Variants in MIER2 observed in about 807,000 individuals in gnomAD.
MIER2 encodes the protein mesoderm induction early response protein 2.
MIER2 carries 30 observed loss-of-function variants against 67.6 expected under a neutral mutation model. That is an observed-to-expected ratio of 0.44 (90% CI 0.33 to 0.60). MIER2 has a LOEUF of 0.60. Ranked by LOEUF, MIER2 falls within the 20% of genes least tolerant of loss-of-function variation. The probability of loss-of-function intolerance (pLI) is 0.02; values close to 1 mark genes in which losing one functional copy is unlikely to be tolerated. For missense variants in MIER2, 702 were observed against 745.1 expected (o/e 0.94, Z 0.67); for synonymous variants, 372 against 312.6 (o/e 1.19, Z -2.00).
chr19:320,932 A>G (rs1216035089), intron 7 of MIER2, among the ~76,000 whole-genome samples: 3 of 152,196 alleles, frequency 2.0e-5, no homozygotes, highest in African/African-American at 7.2e-5. Flanking sequence ...TCTTCCACCT[A>G]AGAACACCAG....
At chr19:335,109 C>G (rs965600655) in intron 2 of MIER2, among the ~76,000 whole-genome samples, 1 of 152,242 alleles carries the variant, frequency 6.6e-6, no homozygotes, top group African/African-American at 2.4e-5. Context: ...CCAGGGTTTC[C>G]CCGAAAGAAC....
At chr19:326,201 C>T (rs1049382829) in intron 6 of MIER2, among the ~76,000 whole-genome samples, 20 of 135,194 alleles carry the variant, frequency 1.5e-4, no homozygotes, top group African/African-American at 5.7e-4. Context: ...AGGTTGGAGA[C>T]ACAGCAGAGC....
intron 1 of MIER2, among the ~76,000 whole-genome samples, chr19:336,409 G>A (rs550552399): frequency 6.6e-6 from 1 of 152,368 alleles, no homozygotes; most frequent in South Asian, 2.1e-4. Flanking sequence ...CTCGCCCAGG[G>A]CAGGACATGC....
chr19:340,470 A>G (rs1972455093), intron 1 of MIER2: 1 of 152,310 alleles, frequency 6.6e-6, no homozygotes, highest in Admixed American at 6.5e-5. Flanking sequence ...TAAACTACAG[A>G]AAAAGTTATT....
intron 7 of MIER2, among the ~76,000 whole-genome samples, chr19:320,786 C>A (rs907459471): frequency 6.6e-6 from 1 of 152,176 alleles, no homozygotes; most frequent in African/African-American, 2.4e-5. Context: ...GTCCCTGGTG[C>A]CAAAAAAGGT....
intron 3 of MIER2, among the ~76,000 whole-genome samples, chr19:330,683 C>T (rs935347289): frequency 5.3e-5 from 8 of 152,040 alleles, no homozygotes; most frequent in South Asian, 2.1e-4. Flanking sequence ...TCAAGGAGGC[C>T]GTGAGGGTGG....
chr19:318,351 A>C (rs1414120675), intron 7 of MIER2, among the ~76,000 whole-genome samples: 1 of 152,258 alleles, frequency 6.6e-6, no homozygotes, highest in African/African-American at 2.4e-5. Context: ...TTACGGTAAG[A>C]AGTGTTACTA....
At position 306,496 on chromosome 19, in the gene MIER2, G is replaced by A; in HGVS notation, c.*194C>T. On this transcript the variant is annotated 3_prime_UTR_variant, in exon 14 of 14. Coordinates refer to ENST00000264819, the MANE Select transcript of MIER2 (RefSeq NM_017550.3). ...GCTGACGGCGCTGGGTGGGGCCGTG[G>A]GTCCATTCTGTGTGGACAGGGGCAA... The A allele has an allele frequency of 1.3e-6, 1 of 743,482 alleles. No individual in the cohort carries two copies. The highest frequency in any genetic ancestry group is 1.8e-5 in the South Asian group (1 of 55,006). 46.1% of individuals were successfully genotyped at this position (743,482 alleles called of 1,614,324 possible).
At chr19:320,944 CAG>C (rs1971475492) in intron 7 of MIER2, among the ~76,000 whole-genome samples, 1 of 152,176 alleles carries the variant, frequency 6.6e-6, no homozygotes, top group Non-Finnish European at 1.5e-5. Flanking sequence ...GAACACCAGA[CAG>C]AACGTCGGCA....
intron 1 of MIER2, among the ~76,000 whole-genome samples, chr19:341,662 T>C (rs1568240718): frequency 6.6e-6 from 1 of 152,166 alleles, no homozygotes; most frequent in Non-Finnish European, 1.5e-5. Context: ...CTCTGCATGT[T>C]TCCCTCTGAG....
chr19:315,421 C>T (rs910021144), intron 7 of MIER2, among the ~76,000 whole-genome samples: 1 of 152,082 alleles, frequency 6.6e-6, no homozygotes, highest in African/African-American at 2.4e-5. Flanking sequence ...TACACACAGC[C>T]GATGTTAAGA....
At chr19:327,551 C>T (rs1046147470) in intron 4 of MIER2, among the ~76,000 whole-genome samples, 19 of 152,232 alleles carry the variant, frequency 1.2e-4, no homozygotes, top group East Asian at 3.8e-4. Flanking sequence ...CAATGCAGCC[C>T]GCCCCTGCTC....
rs551981309 is a variant in MIER2 at position 306,226 on chromosome 19, C to T, written c.*464G>A. The T allele has an allele frequency of 5.1e-5, 9 of 177,276 alleles. No individual in the cohort carries two copies. Among genetic ancestry groups the T allele is most frequent in the South Asian group, 1.4e-4 (1 of 7,130 alleles). 11.0% of individuals were successfully genotyped at this position (177,276 alleles called of 1,614,324 possible). ...GGGCTGGGGCAGCCCGCGGCCCTGC[C>T]GGGTGTGGAGAGACAGAGCCAAGCA... is the stretch of plus-strand genomic sequence containing the variant. On this transcript the variant is annotated 3_prime_UTR_variant, in exon 14 of 14. Coordinates refer to ENST00000264819, the MANE Select transcript of MIER2 (RefSeq NM_017550.3).
At chr19:324,272 C>T (rs2145451601) in intron 7 of MIER2, among the ~76,000 whole-genome samples, 1 of 136,856 alleles carries the variant, frequency 7.3e-6, no homozygotes, top group South Asian at 2.2e-4. Flanking sequence ...ACTCGAATGA[C>T]ACAGGTGTCA....
chr19:309,028 A>G, intron 10 of MIER2, 103 bp from the exon 11 acceptor site: 1 of 1,473,602 alleles, frequency 6.8e-7, no homozygotes, highest in Admixed American at 2.0e-5. Flanking sequence ...GCACAGAAGG[A>G]GCACAGCACC....
In MIER2 at chr19:308,197, G is replaced by A. The variant is rs1970751890; in HGVS notation, c.1198+380C>T. On this transcript the variant is annotated intron_variant, in intron 12 of 13. Transcript: ENST00000264819. This position sits in a 1 kb window ranked among gnomAD's most constrained non-coding sequence, Gnocchi z 9.1. ...TCATGGCCTCAGGTGCAAGATCCTG[G>A]CGACGGCTCCGGACACCCTGTCCTT... 6.6e-6 allele frequency among the ~76,000 whole-genome samples: 1 copy of A among 152,174 alleles called. No individual in the cohort carries two copies. The highest frequency in any genetic ancestry group is 1.5e-5 in the Non-Finnish European group (1 of 68,008).
In MIER2 at chr19:306,647, G is replaced by A. The variant is rs368519912; in HGVS notation, c.*43C>T. On this transcript the variant is annotated 3_prime_UTR_variant, in exon 14 of 14. Transcript: ENST00000264819. ...TGACAGAGGCGGGCCCAGCGGCAGC[G>A]CTAAGTCCAGTCTGGGCCGCATACG... is the stretch of plus-strand genomic sequence containing the variant. 93 of 1,550,904 alleles carry A rather than the reference G, an allele frequency of 6.0e-5. No individual in the cohort carries two copies. The highest frequency in any genetic ancestry group is 1.7e-4 in the Middle Eastern group (1 of 5,972).
chr19:315,567 C>A (rs564889653), intron 7 of MIER2, among the ~76,000 whole-genome samples: 3 of 152,190 alleles, frequency 2.0e-5, no homozygotes, highest in African/African-American at 7.2e-5. Context: ...TAATACAATA[C>A]CCGAATGGAC....
At chr19:342,406 T>C (rs1972547371) in intron 1 of MIER2, among the ~76,000 whole-genome samples, 1 of 151,446 alleles carries the variant, frequency 6.6e-6, no homozygotes, top group Non-Finnish European at 1.5e-5. Context: ...GGTGGAACCA[T>C]CGTTGGCAGC....
Sources: gnomAD v4.1 joint callset for allele counts (sites outside exome capture counted in the v4.1 genomes callset) on GRCh38, gnomAD v4.1.1 for gene constraint, Gnocchi (gnomAD v3.1) non-coding constraint, MANE v1.5 for transcripts, NCBI Gene and HGNC (gene_info 2026-07-23, HGNC 2026-07-21) for gene names.